The following LRP1B variants were observed in gnomAD, a reference collection of about 807,000 sequenced individuals.
LRP1B encodes LDL receptor related protein 1B.
LRP1B carries 217 observed loss-of-function variants against 556.6 expected under a neutral mutation model. The ratio of observed to expected loss-of-function variants is 0.39; its 90% CI spans 0.35 to 0.44. The LOEUF is 0.44. LRP1B is among the 20% of genes least tolerant of loss of function. LRP1B has a pLI of 1.00. For missense variants in LRP1B, 5,053 were observed against 5,620.8 expected, an observed-to-expected ratio of 0.90 and a Z score of 3.23; for synonymous variants, 2,047 against 1,865.8, an observed-to-expected ratio of 1.10 and a Z score of -2.50.
At chr2:142,018,198 G>A (rs1407879368) in intron 1 of LRP1B, among the ~76,000 whole-genome samples, 2 of 152,014 alleles carry the variant, frequency 1.3e-5, no homozygotes, top group Non-Finnish European at 2.9e-5. Context: ...GATTAAATGT[G>A]CCCATAATAA....
intron 3 of LRP1B, among the ~76,000 whole-genome samples, chr2:141,471,759 C>A (rs1682482690): frequency 6.6e-6 from 1 of 152,150 alleles, no homozygotes; most frequent in African/African-American, 2.4e-5. Flanking sequence ...ATTGTCACTG[C>A]AAACAAAATT....
chr2:141,302,866 G>A (rs1686448309), intron 3 of LRP1B, among the ~76,000 whole-genome samples: 1 of 151,950 alleles, frequency 6.6e-6, no homozygotes, highest in Admixed American at 6.6e-5. Context: ...AAAACGACTA[G>A]TTTATTAATT....
At chr2:140,739,486 G>A (rs1688064801) in intron 35 of LRP1B, among the ~76,000 whole-genome samples, 1 of 152,092 alleles carries the variant, frequency 6.6e-6, no homozygotes, top group Non-Finnish European at 1.5e-5. Context: ...GTTGTACATA[G>A]AAAGGAGAGT....
intron 3 of LRP1B, among the ~76,000 whole-genome samples, chr2:141,431,094 C>T (rs1296525540): frequency 6.6e-6 from 1 of 151,738 alleles, no homozygotes; most frequent in African/African-American, 2.4e-5. Flanking sequence ...TGTGATCATG[C>T]CACTGCATGC....
At chr2:142,070,814 G>T (rs1442656190) in intron 1 of LRP1B, among the ~76,000 whole-genome samples, 1 of 151,884 alleles carries the variant, frequency 6.6e-6, no homozygotes, top group African/African-American at 2.4e-5. Flanking sequence ...AGTTTGGAAA[G>T]GAAAGAAAAT....
At chr2:140,377,431 T>C (rs1683284377) in intron 68 of LRP1B, among the ~76,000 whole-genome samples, 1 of 152,182 alleles carries the variant, frequency 6.6e-6, no homozygotes, top group African/African-American at 2.4e-5. Flanking sequence ...CTTGTGTTTC[T>C]GATATTATCC....
chr2:141,838,714 G>A (rs952667663), intron 1 of LRP1B, among the ~76,000 whole-genome samples: 1 of 152,094 alleles, frequency 6.6e-6, no homozygotes, highest in Non-Finnish European at 1.5e-5. Context: ...GCTCTTAGTA[G>A]AGAAAGTATA....
chr2:140,944,743 C>T (rs1451271711), intron 20 of LRP1B, among the ~76,000 whole-genome samples: 1 of 151,910 alleles, frequency 6.6e-6, no homozygotes, highest in Non-Finnish European at 1.5e-5. Context: ...ACATACTAAG[C>T]AACAAAGGAA....
intron 41 of LRP1B, among the ~76,000 whole-genome samples, chr2:140,663,900 T>G (rs577446498): frequency 1.3e-5 from 2 of 152,292 alleles, no homozygotes; most frequent in African/African-American, 4.8e-5. Context: ...TTTCTCTTCT[T>G]TTTTTACTTG....
intron 2 of LRP1B, among the ~76,000 whole-genome samples, chr2:141,729,819 C>G (rs937776419): frequency 3.9e-5 from 6 of 152,040 alleles, no homozygotes; most frequent in Admixed American, 2.6e-4. Flanking sequence ...TGGAGTAAAA[C>G]AGTGGGGTGA....
chr2:141,019,062 T>G (rs980878507), intron 12 of LRP1B, among the ~76,000 whole-genome samples: 1 of 152,072 alleles, frequency 6.6e-6, no homozygotes, highest in Admixed American at 6.6e-5. Context: ...CAAAAAACTA[T>G]ACATGTAAAA....
intron 1 of LRP1B, among the ~76,000 whole-genome samples, chr2:142,016,361 A>G (rs1703129866): frequency 1.3e-5 from 2 of 152,240 alleles, no homozygotes; most frequent in South Asian, 4.1e-4. Flanking sequence ...TCATTCTACT[A>G]TAAAGGCATA....
At chr2:141,159,236 C>T (rs924219535) in intron 7 of LRP1B, among the ~76,000 whole-genome samples, 5 of 152,068 alleles carry the variant, frequency 3.3e-5, no homozygotes, top group African/African-American at 9.7e-5. Context: ...TGATCTTCTT[C>T]ATTTACTTTT....
intron 32 of LRP1B, among the ~76,000 whole-genome samples, chr2:140,787,391 G>A (rs578170421): frequency 1.3e-5 from 2 of 151,956 alleles, no homozygotes; most frequent in Non-Finnish European, 2.9e-5. Flanking sequence ...CATATTTCCA[G>A]ATTCAGCTCA....
chr2:142,045,152 AAAAAC>A (rs764513753), intron 1 of LRP1B, among the ~76,000 whole-genome samples: 37 of 151,500 alleles, frequency 2.4e-4, no homozygotes, highest in Non-Finnish European at 4.1e-4. Context: ...GAAAAAAAAA[AAAAAC>A]AACAACAAAA....
chr2:141,490,100 T>C (rs1156566674), intron 2 of LRP1B, among the ~76,000 whole-genome samples: 1 of 152,156 alleles, frequency 6.6e-6, no homozygotes, highest in African/African-American at 2.4e-5. Flanking sequence ...GGAGTTATTG[T>C]AGCTTTGATA....
Position 141,639,949 on chromosome 2 carries a change from A to G in LRP1B, c.206-159416T>C, listed in dbSNP as rs145667371. On this transcript the variant is annotated intron_variant, in intron 2 of 90. Coordinates refer to ENST00000389484, the MANE Select transcript of LRP1B (RefSeq NM_018557.3). Reference sequence around the variant, plus strand: ...AAGATATGTGCAATGAGGAAAAGAAAACGCAATGGTAGCTCCCAAGCCTGG... The same window carrying G: ...AAGATATGTGCAATGAGGAAAAGAAGACGCAATGGTAGCTCCCAAGCCTGG... Among the ~76,000 whole-genome samples the G allele has an allele frequency of 3.7e-3, 559 of 152,312 alleles. 7 individuals are homozygous for G. The highest frequency in any genetic ancestry group is 0.024 in the Admixed American group (372 of 15,298).
chr2:141,143,841 T>C, intron 7 of LRP1B, among the ~76,000 whole-genome samples: 1 of 151,574 alleles, frequency 6.6e-6, no homozygotes, highest in African/African-American at 2.4e-5. Flanking sequence ...TAATCTTTTT[T>C]TTTTTTTCCA....
At chr2:140,660,622 CA>C (rs1277242379) in intron 41 of LRP1B, among the ~76,000 whole-genome samples, 1 of 152,048 alleles carries the variant, frequency 6.6e-6, no homozygotes, top group Non-Finnish European at 1.5e-5. Context: ...CATCTTGAAA[CA>C]AAGTTTTGGT....
Sources: gnomAD v4.1 joint callset for allele counts (sites outside exome capture counted in the v4.1 genomes callset) on GRCh38, gnomAD v4.1.1 for gene constraint, MANE v1.5 for transcripts, NCBI Gene and HGNC (gene_info 2026-07-23, HGNC 2026-07-21) for gene names.